Variants in CC2D1B observed in about 807,000 individuals in gnomAD.
CC2D1B encodes the protein coiled-coil and C2 domain containing 1B, also known as coiled-coil and C2 domain-containing protein 1B.
Under a neutral mutation model 110.8 loss-of-function variants are expected in CC2D1B, and 92 were observed. The observed-to-expected ratio is 0.83, with a 90% CI of 0.70 to 0.99. The LOEUF is 0.99. Ranked by LOEUF, CC2D1B falls within the 50% of genes least tolerant of loss-of-function variation. The pLI is 0.00. For missense variants in CC2D1B, 1,136 were observed against 1,089.0 expected (o/e 1.04, Z -0.61); for synonymous variants, 406 against 429.2 (o/e 0.95, Z 0.67).
Position 52,356,421 on chromosome 1 carries a change from G to T in CC2D1B, c.1900C>A (p.Gln634Lys). 6.2e-7 allele frequency: 1 copy of T among 1,614,244 alleles called. No individual in the cohort carries two copies. The highest frequency in any genetic ancestry group is 1.3e-5 in the African/African-American group (1 of 75,062). ...GCCACGTTGCCCTGGTGCATGAACT[G>T]CTTGGAGAACAGCAGGCACTTCTGA... The part of the protein sequence containing the change: ...QQEKCLLFSK[Q>K]FMHQGNVAET... Residue 634 changes from glutamine to lysine, a missense_variant, in exon 17 of 25, where the codon CAG (glutamine) becomes AAG (lysine). Gln to Lys is a moderately conservative substitution (Grantham distance 53). Coordinates refer to ENST00000284376, the MANE Select transcript of CC2D1B (RefSeq NM_001330585.2).
In CC2D1B at chr1:52,359,166, AAAG is replaced by A; in HGVS notation, c.1127-12_1127-10del. ...TGACTCTGTAGGGGCCACTTGAAGG[AAAG>A]AAGGAAGAAGTGGGCATCAGGTCAG... On this transcript the variant is annotated splice_polypyrimidine_tract_variant and intron_variant, in intron 10 of 24. Transcript: ENST00000284376. 6.2e-7 allele frequency: 1 copy of A among 1,609,526 alleles called. No individual in the cohort carries two copies. The highest frequency in any genetic ancestry group is 2.2e-5 in the East Asian group (1 of 44,734).
chr1:52,365,343 ACC>A (rs1388302530), intron 1 of CC2D1B, among the ~76,000 whole-genome samples: 1 of 152,264 alleles, frequency 6.6e-6, no homozygotes, highest in East Asian at 1.9e-4. Flanking sequence ...CCCTGAGGTG[ACC>A]CCTTCTTCAG....
chr1:52,354,499 A>G (rs1252116033), intron 23 of CC2D1B, 109 bp downstream of exon 23: 1 of 926,598 alleles, frequency 1.1e-6, no homozygotes, highest in South Asian at 1.3e-5. Flanking sequence ...CTTGTGGAGA[A>G]TTTCAAATTA....
chr1:52,354,550 G>T, intron 23 of CC2D1B, 58 bp downstream of exon 23: 1 of 1,344,076 alleles, frequency 7.4e-7, no homozygotes, highest in Non-Finnish European at 1.1e-6. Context: ...GTGGCATTCA[G>T]TGCGTATTGG....
chr1:52,353,435 G>A (rs762984301), intron 24 of CC2D1B, 83 bp downstream of exon 24: 2 of 1,530,032 alleles, frequency 1.3e-6, no homozygotes, highest in Non-Finnish European at 1.8e-6. Flanking sequence ...GAAACTCCTA[G>A]GTTTTCTCTC....
At position 52,357,766 on chromosome 1, in the gene CC2D1B, T is replaced by G. The variant is rs1277305648; in HGVS notation, c.1579+15A>C. ...CTAGGCCCTCAGTTCTTCACCCTGC[T>G]TGTCCCCAACTCACCAGATGGACTC... On this transcript the variant is annotated intron_variant, in intron 14 of 24. Transcript: ENST00000284376. The G allele has an allele frequency of 5.0e-6, 8 of 1,597,546 alleles. No homozygotes were observed. Among genetic ancestry groups the G allele is most frequent in the Non-Finnish European group, 6.8e-6 (8 of 1,170,128 alleles).
chr1:52,353,555 A>G lies in CC2D1B; in HGVS notation c.2523T>C (p.Thr841=). ...TGGGCTCCAGAACCAGCCAGTTCTC[A>G]GTGACCATCTGCACATCCTGGCCAC... ...PLSGQDVQMV[T]ENWLVLEPRG... Residue 841 remains threonine, a synonymous_variant, in exon 24 of 25, where the codon ACT becomes ACC. Transcript: ENST00000284376. The G allele has an allele frequency of 6.2e-7, 1 of 1,614,110 alleles. No individual in the cohort carries two copies. The highest frequency in any genetic ancestry group is 8.5e-7 in the Non-Finnish European group (1 of 1,179,996).
Position 52,354,866 on chromosome 1 carries a change from G to T in CC2D1B, c.2313C>A (p.Gly771=), listed in dbSNP as rs770828479. ...CTTTGTGGAAGATCTCAAACTTGAT[G>T]CCTTTGCTCTGGATCACCCTCTTGA... ...RGFKRVIQSK[G]IKFEIFHKGS... The change falls in exon 22 of 25, where the codon GGC becomes GGA. Residue 771 remains glycine, a synonymous_variant. Coordinates refer to ENST00000284376, the MANE Select transcript of CC2D1B (RefSeq NM_001330585.2). 2.5e-6 allele frequency: 4 copies of T among 1,614,170 alleles called. No individual in the cohort carries two copies. Among genetic ancestry groups the T allele is most frequent in the Non-Finnish European group, 2.5e-6 (3 of 1,179,990 alleles).
In CC2D1B at chr1:52,357,770, C is replaced by A. The variant is rs1180457156; in HGVS notation, c.1579+11G>T. The A allele has an allele frequency of 6.3e-7, 1 of 1,594,664 alleles. No individual in the cohort carries two copies. Among genetic ancestry groups the A allele is most frequent in the South Asian group, 1.1e-5 (1 of 88,306 alleles). On this transcript the variant is annotated intron_variant, in intron 14 of 24. Transcript: ENST00000284376. ...GCCCTCAGTTCTTCACCCTGCTTGT[C>A]CCCAACTCACCAGATGGACTCGGTG...
At chr1:52,358,798 G>C (rs1416209317) in intron 11 of CC2D1B, 40 bp from the exon 12 acceptor site, 5 of 1,568,692 alleles carry the variant, frequency 3.2e-6, no homozygotes, top group Middle Eastern at 1.7e-4. Context: ...GTCGGCAGCA[G>C]CCCACAGGCC....
Position 52,354,887 on chromosome 1 carries a change from C to G in CC2D1B, c.2292G>C (p.Lys764Asn). The G allele has an allele frequency of 1.2e-6, 2 of 1,614,220 alleles. No individual in the cohort carries two copies. The highest frequency in any genetic ancestry group is 1.7e-6 in the Non-Finnish European group (2 of 1,180,048). The stretch of plus-strand genomic sequence containing the variant: ...TGATGCCTTTGCTCTGGATCACCCT[C>G]TTGAAGCCCCGGTGGTTTCGGTTGA... ...LNINRNHRGF[K>N]RVIQSKGIKF... is the part of the protein sequence containing the mutation. Residue 764 changes from lysine to asparagine, a missense_variant, in exon 22 of 25, where the codon AAG (lysine) becomes AAC (asparagine). Coordinates refer to ENST00000284376, the MANE Select transcript of CC2D1B (RefSeq NM_001330585.2).
At position 52,352,607 on chromosome 1, in the gene CC2D1B, A is replaced by C. The variant is rs1646549390; in HGVS notation, c.*618T>G. 1 of 152,624 alleles carries C rather than the reference A, an allele frequency of 6.6e-6. No individual in the cohort carries two copies. Among genetic ancestry groups the C allele is most frequent in the South Asian group, 2.1e-4 (1 of 4,826 alleles). The allele number at this position is 152,624 out of a possible 1,614,324, so 9.5% of individuals were successfully genotyped here. On this transcript the variant is annotated 3_prime_UTR_variant, in exon 25 of 25. Transcript: ENST00000284376. ...CTTGGGTGGGTAGACCAAACCCAAG[A>C]TCCAACCTTCCCCTTACTTCCCACC...
In CC2D1B at chr1:52,356,376, G is replaced by A. The variant is rs777446503; in HGVS notation, c.1937+8C>T. ...CCCTATGAGCCCAGCCCCAGCCCTTGCACTTACCGGGTGGTCTCAGCCACG... is the reference window on the plus strand; with the variant it reads ...CCCTATGAGCCCAGCCCCAGCCCTTACACTTACCGGGTGGTCTCAGCCACG... On this transcript the variant is annotated splice_region_variant and intron_variant, in intron 17 of 24. Transcript: ENST00000284376. 5 of 1,614,152 alleles carry A rather than the reference G, an allele frequency of 3.1e-6. No homozygotes were observed. In the South Asian group the frequency reaches 3.3e-5, roughly 11 times the overall value.
intron 23 of CC2D1B, among the ~76,000 whole-genome samples, chr1:52,354,156 T>C (rs769694746): frequency 6.6e-6 from 1 of 152,122 alleles, no homozygotes; most frequent in Admixed American, 6.5e-5. Flanking sequence ...GTGGCTCCAA[T>C]AGAGACCAGG....
intron 2 of CC2D1B, among the ~76,000 whole-genome samples, chr1:52,364,245 A>C (rs1646840406): frequency 6.6e-6 from 1 of 152,178 alleles, no homozygotes; most frequent in Admixed American, 6.5e-5. Context: ...AAGTCCTCCC[A>C]CTGACTACAG....
rs555860653 is a variant in CC2D1B, at chr1:52,355,385, G to C, written c.2239+13C>G. On this transcript the variant is annotated intron_variant, in intron 21 of 24. Coordinates refer to ENST00000284376, the MANE Select transcript of CC2D1B (RefSeq NM_001330585.2). ...TCTGAGGGAGGAGAAAGAGGCCCACGTGTGGCCCTCACCTGGAGAGTTTGT... is the reference window on the plus strand; with the variant it reads ...TCTGAGGGAGGAGAAAGAGGCCCACCTGTGGCCCTCACCTGGAGAGTTTGT... The C allele has an allele frequency of 2.1e-5, 34 of 1,613,228 alleles. No individual in the cohort carries two copies. In the South Asian group the frequency reaches 3.7e-4, roughly 18 times the overall value.
At position 52,357,047 on chromosome 1, in the gene CC2D1B, T is replaced by G. The variant is rs766411135; in HGVS notation, c.1832A>C (p.Glu611Ala). ...HEDLRLSQKA[E>A]EVYAQLQKML... ...TTTTTGCAGCTGGGCATACACCTCC[T>G]CCGCCTTCTGGGAGAGTCGCAGGTC... Residue 611 changes from glutamate to alanine, a missense_variant, in exon 16 of 25, where the codon GAG becomes GCG. Transcript: ENST00000284376. The G allele has an allele frequency of 1.7e-5, 27 of 1,596,640 alleles. No homozygotes were observed. The highest frequency in any genetic ancestry group is 2.2e-5 in the Non-Finnish European group (26 of 1,171,410).
intron 10 of CC2D1B, 25 bp downstream of exon 10, chr1:52,359,225 C>G (rs1372950853): frequency 1.2e-6 from 2 of 1,611,074 alleles, no homozygotes; most frequent in South Asian, 2.2e-5. Flanking sequence ...GGTCCCCACG[C>G]CACAGTCCCA....
At position 52,361,139 on chromosome 1, in the gene CC2D1B, A is replaced by G. The variant is rs1011009698; in HGVS notation, c.319-7T>C. ...AGACCTCCTGCAGCTCCGTCTAGGG[A>G]GACAAAACACAGCCCAGGAGCTTGG... On this transcript the variant is annotated splice_region_variant and splice_polypyrimidine_tract_variant and intron_variant, in intron 4 of 24. Coordinates refer to ENST00000284376, the MANE Select transcript of CC2D1B (RefSeq NM_001330585.2). 17 of 1,613,750 alleles carry G rather than the reference A, an allele frequency of 1.1e-5. No individual in the cohort carries two copies. The African/African-American group carries it at 1.7e-4, about 16-fold the overall frequency.
Sources: allele counts gnomAD v4.1 joint callset (sites outside exome capture counted in the v4.1 genomes callset), GRCh38; gene constraint gnomAD v4.1.1; transcripts MANE v1.5; gene names NCBI Gene and HGNC (gene_info 2026-07-23, HGNC 2026-07-21).